The following VSNL1 variants were observed in gnomAD, a reference collection of about 807,000 sequenced individuals.
VSNL1 encodes visinin like 1, also known as visinin-like protein 1.
A neutral mutation model predicts 20.4 loss-of-function variants in VSNL1; 6 were observed. The ratio of observed to expected loss-of-function variants is 0.29; its 90% CI spans 0.16 to 0.58. VSNL1 has a LOEUF of 0.58. VSNL1 is among the 20% of genes least tolerant of loss of function. The pLI is 0.90. For missense variants in VSNL1, 100 were observed against 234.5 expected (o/e 0.43, Z 3.75); for synonymous variants, 93 against 86.4 (o/e 1.08, Z -0.42).
At chr2:17,585,384 A>T (rs1042113750) in intron 1 of VSNL1, among the ~76,000 whole-genome samples, 2 of 122,432 alleles carry the variant, frequency 1.6e-5, no homozygotes, top group Non-Finnish European at 3.3e-5. Flanking sequence ...CTTCATTATA[A>T]AAAAAAAAAA....
intron 1 of VSNL1, among the ~76,000 whole-genome samples, chr2:17,562,417 A>T (rs1235056093): frequency 6.6e-6 from 1 of 152,176 alleles, no homozygotes; most frequent in Non-Finnish European, 1.5e-5. Flanking sequence ...CAAGATGAAC[A>T]TTTTGTTTGA....
intron 1 of VSNL1, among the ~76,000 whole-genome samples, chr2:17,562,437 C>T (rs1424573794): frequency 6.6e-6 from 1 of 151,998 alleles, no homozygotes; most frequent in Non-Finnish European, 1.5e-5. Flanking sequence ...AAATAAGAAA[C>T]AAAGCTAATA....
At chr2:17,556,804 A>G (rs566419395) in intron 1 of VSNL1, among the ~76,000 whole-genome samples, 5 of 152,190 alleles carry the variant, frequency 3.3e-5, no homozygotes, top group Non-Finnish European at 5.9e-5. Flanking sequence ...GCATTGCATG[A>G]ATCAAAGGAC....
At chr2:17,626,608 C>T (rs1436551753) in intron 2 of VSNL1, among the ~76,000 whole-genome samples, 2 of 120,818 alleles carry the variant, frequency 1.7e-5, no homozygotes, top group African/African-American at 6.2e-5. Context: ...AGAACATTGT[C>T]TCTAAGCTGG....
At chr2:17,650,151 C>T (rs1220296735) in intron 3 of VSNL1, among the ~76,000 whole-genome samples, 1 of 152,166 alleles carries the variant, frequency 6.6e-6, no homozygotes, top group Non-Finnish European at 1.5e-5. Flanking sequence ...GGTTCCACTT[C>T]AGGGCCTTCC....
At chr2:17,587,702 G>A (rs1486395266) in intron 1 of VSNL1, among the ~76,000 whole-genome samples, 1 of 152,092 alleles carries the variant, frequency 6.6e-6, no homozygotes, top group African/African-American at 2.4e-5. Context: ...AGTGGGGTGC[G>A]AGAGAACTGC....
At chr2:17,604,102 C>T (rs185392769) in intron 2 of VSNL1, among the ~76,000 whole-genome samples, 26 of 152,308 alleles carry the variant, frequency 1.7e-4, no homozygotes, top group Admixed American at 1.2e-3. Context: ...AGGTGAGCTG[C>T]GGCCTTGGGA....
chr2:17,554,877 A>G (rs1010994130), intron 1 of VSNL1, among the ~76,000 whole-genome samples: 1 of 152,180 alleles, frequency 6.6e-6, no homozygotes, highest in African/African-American at 2.4e-5. Context: ...TATATTCTAC[A>G]TTTTTAATAA....
intron 2 of VSNL1, among the ~76,000 whole-genome samples, chr2:17,639,100 G>C (rs1665824268): frequency 6.6e-6 from 1 of 152,174 alleles, no homozygotes; most frequent in Non-Finnish European, 1.5e-5. Flanking sequence ...CTAAGGGGCT[G>C]GTGGGGTGAA....
At chr2:17,561,766 T>A (rs1188054879) in intron 1 of VSNL1, among the ~76,000 whole-genome samples, 1 of 152,118 alleles carries the variant, frequency 6.6e-6, no homozygotes, top group Non-Finnish European at 1.5e-5. Context: ...GGAGCGTGGC[T>A]GTGTTTGTAA....
intron 1 of VSNL1, among the ~76,000 whole-genome samples, chr2:17,583,901 C>T (rs921358332): frequency 8.5e-5 from 13 of 152,176 alleles, no homozygotes; most frequent in East Asian, 1.9e-4. Flanking sequence ...GTCCCCCTCT[C>T]CATCATTTGG....
At position 17,567,794 on chromosome 2, in the gene VSNL1, G is replaced by C. The variant is rs567872825; in HGVS notation, c.-5-24276G>C. The C allele has an allele frequency of 7.2e-5, 11 of 152,148 alleles. No homozygotes were observed. In the South Asian group the frequency reaches 2.1e-3, roughly 29 times the overall value. 9.4% of individuals were successfully genotyped at this position (152,148 alleles called of 1,614,324 possible). ...TTTAAAATAATCATTAATGTGTGCT[G>C]ATTTTATTGAATGCTTTTCTAATAA... On this transcript the variant is annotated intron_variant, in intron 1 of 3. Transcript: ENST00000295156.
chr2:17,550,938 T>C (rs548294005), intron 1 of VSNL1, among the ~76,000 whole-genome samples: 1 of 152,280 alleles, frequency 6.6e-6, no homozygotes, highest in Admixed American at 6.5e-5. Context: ...CGCATAAAAC[T>C]GGAAATTTCT....
intron 2 of VSNL1, among the ~76,000 whole-genome samples, chr2:17,628,933 C>T (rs954578509): frequency 1.3e-5 from 2 of 152,204 alleles, no homozygotes; most frequent in Admixed American, 1.3e-4. Context: ...CTGCCTCCCA[C>T]ATAGTTACCA....
intron 2 of VSNL1, among the ~76,000 whole-genome samples, chr2:17,647,262 A>G (rs1388939036): frequency 1.3e-5 from 2 of 152,188 alleles, no homozygotes; most frequent in Non-Finnish European, 2.9e-5. Context: ...AAAGCATTAC[A>G]GTGCCAGAAA....
chr2:17,573,405 TA>T (rs1664126847), intron 1 of VSNL1, among the ~76,000 whole-genome samples: 1 of 151,340 alleles, frequency 6.6e-6, no homozygotes, highest in African/African-American at 2.4e-5. Flanking sequence ...ATGTCAAGAC[TA>T]AATTTGAAGG....
chr2:17,649,749 C>T lies in VSNL1; in HGVS notation c.378+124C>T. 3 of 896,668 alleles carry T rather than the reference C, an allele frequency of 3.3e-6. No homozygotes were observed. The South Asian group carries it at 4.9e-5, about 15-fold the overall frequency. The allele number at this position is 896,668 out of a possible 1,614,324, so 55.5% of individuals were successfully genotyped here. On this transcript the variant is annotated intron_variant, in intron 3 of 3. Transcript: ENST00000295156. This position sits in a 1 kb window ranked among gnomAD's most constrained non-coding sequence, Gnocchi z 6.4. ...GAGCCCTGCCAGCTGCACACCACGC[C>T]TGGACTTCTCCTGCTTCTGTCCCCG...
At chr2:17,588,735 A>G (rs1202411693) in intron 1 of VSNL1, among the ~76,000 whole-genome samples, 1 of 152,230 alleles carries the variant, frequency 6.6e-6, no homozygotes, top group African/African-American at 2.4e-5. Context: ...AATCTCCAGG[A>G]GGGCTGAATA....
intron 1 of VSNL1, among the ~76,000 whole-genome samples, chr2:17,584,821 A>G (rs1347951952): frequency 1.3e-5 from 2 of 151,856 alleles, no homozygotes; most frequent in East Asian, 2.0e-4. Context: ...CTTGGTAGCT[A>G]GGGCATGGCT....
Sources: allele counts gnomAD v4.1 joint callset (sites outside exome capture counted in the v4.1 genomes callset), GRCh38; gene constraint gnomAD v4.1.1; non-coding constraint Gnocchi (gnomAD v3.1); transcripts MANE v1.5; gene names NCBI Gene and HGNC (gene_info 2026-07-23, HGNC 2026-07-21).